PEX5L: variants seen among roughly 807,000 people sequenced by gnomAD.
PEX5L encodes peroxisomal biogenesis factor 5 like, also known as PEX5-related protein.
Under a neutral mutation model 84.0 loss-of-function variants are expected in PEX5L, and 30 were observed. The observed-to-expected ratio is 0.36, with a 90% CI of 0.27 to 0.48. The LOEUF (loss-of-function observed/expected upper bound fraction) is 0.48. Among genes scored for constraint, PEX5L ranks in the 20% least tolerant of loss-of-function variants. PEX5L has a pLI of 0.99. For synonymous variants in PEX5L, 270 were observed against 283.1 expected (o/e 0.95, Z 0.46); for missense variants, 533 against 754.6 (o/e 0.71, Z 3.44).
chr3:179,802,542 A>AG (rs1719348793), intron 14 of PEX5L, among the ~76,000 whole-genome samples: 5 of 149,804 alleles, frequency 3.3e-5, no homozygotes, highest in Non-Finnish European at 7.4e-5. Flanking sequence ...CAAAAAAAAA[A>AG]AAAAAAAAAA....
intron 12 of PEX5L, among the ~76,000 whole-genome samples, chr3:179,809,256 C>T (rs1722764024): frequency 6.6e-6 from 1 of 152,078 alleles, no homozygotes; most frequent in African/African-American, 2.4e-5. Context: ...AGATAAATGT[C>T]TGTGAGTGCC....
intron 1 of PEX5L, among the ~76,000 whole-genome samples, chr3:180,008,858 A>G (rs1167969848): frequency 9.9e-5 from 15 of 152,206 alleles, no homozygotes. Flanking sequence ...ATTCACGAAG[A>G]GAATATGGGT....
chr3:179,849,232 T>TGTATATACA (rs1740819109), intron 8 of PEX5L, among the ~76,000 whole-genome samples: 3 of 152,348 alleles, frequency 2.0e-5, no homozygotes, highest in African/African-American at 7.2e-5. Flanking sequence ...TACAATGTAT[T>TGTATATACA]TTGTAATTAA....
At chr3:179,966,486 C>T (rs1343619473) in intron 2 of PEX5L, among the ~76,000 whole-genome samples, 2 of 152,176 alleles carry the variant, frequency 1.3e-5, no homozygotes, top group African/African-American at 2.4e-5. Flanking sequence ...AAGGCAGGAA[C>T]ACATATTACC....
chr3:179,949,534 A>G (rs969611346), intron 2 of PEX5L, among the ~76,000 whole-genome samples: 4 of 152,214 alleles, frequency 2.6e-5, no homozygotes, highest in Non-Finnish European at 4.4e-5. Flanking sequence ...GTATTACTTT[A>G]TATAAAACAT....
At position 180,004,549 on chromosome 3, in the gene PEX5L, T is replaced by C. The variant is rs1318982989; in HGVS notation, c.21+32030A>G. Among the ~76,000 whole-genome samples, 12 of 152,178 alleles carry C rather than the reference T, an allele frequency of 7.9e-5. No homozygotes were observed. In the East Asian group the frequency reaches 2.3e-3, roughly 29 times the overall value. ...GGACCCAAACCCATACCAAACAAAA[T>C]GAAATAGAAACTTGGTATGAACTAT... is the stretch of plus-strand genomic sequence containing the variant. On this transcript the variant is annotated intron_variant, in intron 1 of 14. Transcript: ENST00000467460.
intron 5 of PEX5L, among the ~76,000 whole-genome samples, chr3:179,876,033 GGAGA>G (rs1300756411): frequency 6.6e-6 from 1 of 152,116 alleles, no homozygotes; most frequent in Non-Finnish European, 1.5e-5. Context: ...TTATAATGGG[GGAGA>G]GAGAGAAAGG....
intron 4 of PEX5L, among the ~76,000 whole-genome samples, chr3:179,883,400 C>A (rs1320026270): frequency 6.6e-6 from 1 of 152,216 alleles, no homozygotes; most frequent in East Asian, 1.9e-4. Flanking sequence ...GTCCTGTCTT[C>A]TTCACTTTAG....
intron 2 of PEX5L, among the ~76,000 whole-genome samples, chr3:179,963,659 T>C (rs1782626702): frequency 6.6e-6 from 1 of 152,188 alleles, no homozygotes; most frequent in Admixed American, 6.5e-5. Context: ...ATTATAAACA[T>C]GTAAAAAAGC....
At chr3:179,937,068 CAT>C (rs149871575) in intron 2 of PEX5L, among the ~76,000 whole-genome samples, 11 of 149,620 alleles carry the variant, frequency 7.4e-5, no homozygotes, top group Admixed American at 1.3e-4. Flanking sequence ...TTGTGCCCCT[CAT>C]ATATATATAT....
At chr3:179,803,261 A>G (rs1396673932) in intron 14 of PEX5L, among the ~76,000 whole-genome samples, 1 of 152,242 alleles carries the variant, frequency 6.6e-6, no homozygotes, top group Non-Finnish European at 1.5e-5. Flanking sequence ...TGTTTTGGAA[A>G]ATATTTTTTG....
rs976788983 is a variant in PEX5L at position 179,934,516 on chromosome 3, G to C, written c.94-36270C>G. The stretch of plus-strand genomic sequence containing the variant: ...ACCTTATTTTGTGGGTGAGGTCTCT[G>C]AGTCTCAGAGGTTAAACAACTTGCC... On this transcript the variant is annotated intron_variant, in intron 2 of 14. Transcript: ENST00000467460. Among the ~76,000 whole-genome samples the C allele has an allele frequency of 5.3e-5, 8 of 152,304 alleles. No individual in the cohort carries two copies. The South Asian group carries it at 6.2e-4, about 12-fold the overall frequency.
intron 6 of PEX5L, 109 bp downstream of exon 6, chr3:179,875,245 G>T (rs146987279): frequency 2.1e-6 from 2 of 951,938 alleles, no homozygotes; most frequent in East Asian, 2.4e-5. Flanking sequence ...GTTATATAGG[G>T]GTTACATGTG....
At chr3:179,854,535 G>T (rs1743169453) in intron 8 of PEX5L, among the ~76,000 whole-genome samples, 1 of 152,116 alleles carries the variant, frequency 6.6e-6, no homozygotes, top group Admixed American at 6.6e-5. Flanking sequence ...GGACACTGCA[G>T]CCCAGTCCCA....
In PEX5L at chr3:179,808,330, C is replaced by T; in HGVS notation, c.1460G>A (p.Ser487Asn). 1.2e-6 allele frequency: 2 copies of T among 1,605,706 alleles called. No individual in the cohort carries two copies. The highest frequency in any genetic ancestry group is 2.2e-5 in the South Asian group (2 of 89,292). ...ATCTATTGCTCTATTAAATTCTCCA[C>T]TCAGGTGGAACAGAACCCCTAGACC... is the stretch of plus-strand genomic sequence containing the variant. ...QTGLGVLFHL[S>N]GEFNRAIDAF... Residue 487 changes from serine (S) to asparagine (N), a missense_variant, in exon 13 of 15, where the codon AGT becomes AAT. Physicochemically the swap from Ser to Asn is conservative, Grantham distance 46. Coordinates refer to ENST00000467460, the MANE Select transcript of PEX5L (RefSeq NM_016559.3).
chr3:179,939,061 C>T (rs1042732608), intron 2 of PEX5L, among the ~76,000 whole-genome samples: 3 of 152,216 alleles, frequency 2.0e-5, no homozygotes, highest in Non-Finnish European at 4.4e-5. Flanking sequence ...GCTGCTGAAA[C>T]TCTGCCTCAC....
chr3:179,955,361 G>A (rs1780222982), intron 2 of PEX5L, among the ~76,000 whole-genome samples: 1 of 151,894 alleles, frequency 6.6e-6, no homozygotes, highest in Non-Finnish European at 1.5e-5. Context: ...CTTCGTGAGA[G>A]AAAGTTCTCG....
At chr3:179,926,772 A>C (rs1384337490) in intron 2 of PEX5L, among the ~76,000 whole-genome samples, 2 of 152,202 alleles carry the variant, frequency 1.3e-5, no homozygotes, top group African/African-American at 2.4e-5. Context: ...GTGTTCAACA[A>C]ATATCTGTGA....
intron 2 of PEX5L, among the ~76,000 whole-genome samples, chr3:179,955,276 G>T (rs1252040160): frequency 1.3e-5 from 2 of 152,054 alleles, no homozygotes; most frequent in Admixed American, 1.3e-4. Flanking sequence ...TGAAATAATT[G>T]TTCCAAAGAC....
Sources: gnomAD v4.1 joint callset for allele counts (sites outside exome capture counted in the v4.1 genomes callset) on GRCh38, gnomAD v4.1.1 for gene constraint, MANE v1.5 for transcripts, NCBI Gene and HGNC (gene_info 2026-07-23, HGNC 2026-07-21) for gene names.